Variants in MYO16 observed in about 807,000 individuals in gnomAD.
MYO16 encodes unconventional myosin-XVI.
MYO16 carries 94 observed loss-of-function variants against 205.3 expected under a neutral mutation model. That is an observed-to-expected ratio of 0.46 (90% CI 0.39 to 0.54). The LOEUF (loss-of-function observed/expected upper bound fraction) is 0.54. Among genes scored for constraint, MYO16 ranks in the 20% least tolerant of loss-of-function variants. The pLI is 0.00. For missense variants in MYO16, 2,315 were observed against 2,387.5 expected (o/e 0.97, Z 0.63); for synonymous variants, 988 against 954.0 (o/e 1.04, Z -0.66).
chr13:108,500,875 CCTT>C, the MYO16 span, among the ~76,000 whole-genome samples: 4 of 152,204 alleles, frequency 2.6e-5, no homozygotes, highest in Non-Finnish European at 5.9e-5. Context: ...ATGACAGACA[CCTT>C]CTTGACCCGC....
intron 4 of MYO16, among the ~76,000 whole-genome samples, chr13:108,782,805 G>A (rs1296527256): frequency 6.6e-6 from 1 of 152,200 alleles, no homozygotes; most frequent in African/African-American, 2.4e-5. Context: ...GAGGGTGGAA[G>A]CCCCAAGCCT....
At chr13:108,768,093 A>C (rs183650101) in intron 4 of MYO16, among the ~76,000 whole-genome samples, 1 of 152,268 alleles carries the variant, frequency 6.6e-6, no homozygotes, top group East Asian at 1.9e-4. Flanking sequence ...AATAAACCTG[A>C]GATTCCAGCC....
At chr13:108,638,502 T>C (rs1880358806) in intron 1 of MYO16, among the ~76,000 whole-genome samples, 1 of 152,164 alleles carries the variant, frequency 6.6e-6, no homozygotes, top group African/African-American at 2.4e-5. Context: ...TCAAACTCTC[T>C]TTTTGGTTCC....
chr13:108,748,769 G>C (rs4771597), intron 4 of MYO16, among the ~76,000 whole-genome samples: 68,366 of 151,882 alleles, frequency 0.45, 15,520 homozygotes, highest in East Asian at 0.55. Context: ...AATTAGTGTT[G>C]TCTATGCAAA....
At chr13:108,574,700 TGTGTGTGTGC>T in the MYO16 span, among the ~76,000 whole-genome samples, 3,835 of 135,990 alleles carry the variant, frequency 0.028, 67 homozygotes, top group African/African-American at 0.045. Context: ...TGTGTGTGTG[TGTGTGTGTGC>T]GCTTGTGTGT....
At chr13:109,014,956 A>C (rs1372232096) in intron 22 of MYO16, among the ~76,000 whole-genome samples, 1 of 152,056 alleles carries the variant, frequency 6.6e-6, no homozygotes, top group Non-Finnish European at 1.5e-5. Context: ...TCCTTTATTT[A>C]TTTCCCTTGC....
chr13:109,138,385 A>T (rs12429664), intron 31 of MYO16, among the ~76,000 whole-genome samples: 2,710 of 152,350 alleles, frequency 0.018, 38 homozygotes, highest in South Asian at 0.03. Flanking sequence ...TTCTAAAATT[A>T]ACATCTCTGT....
At chr13:108,654,492 C>T (rs1279026150) in intron 1 of MYO16, among the ~76,000 whole-genome samples, 1 of 152,152 alleles carries the variant, frequency 6.6e-6, no homozygotes, top group Non-Finnish European at 1.5e-5. Flanking sequence ...AACCTCTTTT[C>T]CTTCCCAGTC....
chr13:109,110,564 C>T (rs1889254562), intron 28 of MYO16, among the ~76,000 whole-genome samples: 1 of 152,168 alleles, frequency 6.6e-6, no homozygotes, highest in Admixed American at 6.5e-5. Context: ...TGAAGTTAAA[C>T]TTCAGGAATA....
intron 2 of MYO16, among the ~76,000 whole-genome samples, chr13:108,675,354 T>C (rs1342137502): frequency 2.0e-5 from 3 of 152,204 alleles, no homozygotes; most frequent in African/African-American, 4.8e-5. Context: ...AGGGAACAGC[T>C]GCTAGGTAAT....
At chr13:108,558,353 C>T in the MYO16 span, among the ~76,000 whole-genome samples, 1 of 152,192 alleles carries the variant, frequency 6.6e-6, no homozygotes, top group Admixed American at 6.5e-5. Flanking sequence ...TCCAGGAGGG[C>T]TTGGCACATC....
chr13:108,888,347 T>A, intron 13 of MYO16, 25 bp from the exon 14 acceptor site: 1 of 1,518,576 alleles, frequency 6.6e-7, no homozygotes, highest in South Asian at 1.2e-5. Context: ...TTCAAACTTA[T>A]GTTTTTCCTC....
At chr13:108,895,379 T>G (rs1237548213) in intron 14 of MYO16, among the ~76,000 whole-genome samples, 1 of 152,190 alleles carries the variant, frequency 6.6e-6, no homozygotes. Flanking sequence ...AGCTCAGTAT[T>G]TCTCTTAATA....
At chr13:108,869,331 T>G (rs1341178857) in intron 12 of MYO16, among the ~76,000 whole-genome samples, 2 of 152,182 alleles carry the variant, frequency 1.3e-5, no homozygotes, top group African/African-American at 4.8e-5. Context: ...ATATATTGCA[T>G]AGTGTTCATT....
At chr13:109,026,099 A>T (rs928984258) in intron 23 of MYO16, among the ~76,000 whole-genome samples, 6 of 152,214 alleles carry the variant, frequency 3.9e-5, no homozygotes, top group Non-Finnish European at 2.9e-5. Context: ...ACCTAAGATG[A>T]TGCATCCCTG....
rs749463719 is a variant in MYO16, at chr13:109,127,364, C to G, written c.3865C>G (p.Leu1289Val). The G allele has an allele frequency of 1.0e-4, 167 of 1,613,524 alleles. No individual in the cohort carries two copies. Among genetic ancestry groups the G allele is most frequent in the Admixed American group, 1.5e-4 (9 of 59,972 alleles). ...GGCCGTGGATGGCCTGGGCCAGTGC[C>G]TCGTTGGCCCGTCCATCTGGTCTCC... ...CAAVDGLGQC[L>V]VGPSIWSPSL... Residue 1289 changes from leucine to valine, a missense_variant, in exon 31 of 35, where the codon CTC becomes GTC. This residue lies in a region of MYO16 where 1,097 missense variants were observed against 1,092.0 expected (regional missense o/e 1.00). Transcript: ENST00000457511. This position sits in a 1 kb window ranked among gnomAD's most constrained non-coding sequence, Gnocchi z 4.2.
intron 20 of MYO16, among the ~76,000 whole-genome samples, chr13:108,971,252 T>C (rs1322560042): frequency 6.6e-6 from 1 of 151,894 alleles, no homozygotes; most frequent in Non-Finnish European, 1.5e-5. Context: ...AGTACAGGGT[T>C]ATAGAAACTT....
chr13:109,135,062 A>G lies in MYO16; in HGVS notation c.4052-5202A>G, dbSNP rs1876710194. Among the ~76,000 whole-genome samples, 4 of 152,226 alleles carry G rather than the reference A, an allele frequency of 2.6e-5. No homozygotes were observed. The South Asian group carries it at 8.3e-4, about 31-fold the overall frequency. ...CTCCGGTACGATTCCTGAGAGAGAC[A>G]GCGCCTCAAGTGTGTCCTCTTCTAA... On this transcript the variant is annotated intron_variant, in intron 31 of 34. Coordinates refer to ENST00000457511, the MANE Select transcript of MYO16 (RefSeq NM_001198950.3).
At chr13:108,919,365 T>C (rs1881641754) in intron 16 of MYO16, among the ~76,000 whole-genome samples, 1 of 152,252 alleles carries the variant, frequency 6.6e-6, no homozygotes, top group Admixed American at 6.5e-5. Context: ...AATTTAACTA[T>C]AAAACCTCCT....
Sources: gnomAD v4.1 joint callset for allele counts (sites outside exome capture counted in the v4.1 genomes callset) on GRCh38, gnomAD v4.1.1 for gene constraint, gnomAD v4.1.1 regional missense constraint, Gnocchi (gnomAD v3.1) non-coding constraint, MANE v1.5 for transcripts, NCBI Gene and HGNC (gene_info 2026-07-23, HGNC 2026-07-21) for gene names.